Variants in QKI observed in about 807,000 individuals in gnomAD.
The protein encoded by QKI is KH domain-containing RNA-binding protein QKI.
Under a neutral mutation model 39.0 loss-of-function variants are expected in QKI, and 10 were observed. The ratio of observed to expected loss-of-function variants is 0.26; its 90% confidence interval spans 0.16 to 0.43. The LOEUF (loss-of-function observed/expected upper bound fraction) is 0.43, where lower values mean the gene tolerates loss of function less well. Ranked by LOEUF, QKI falls within the 20% of genes least tolerant of loss-of-function variation. QKI has a pLI of 1.00. For synonymous variants in QKI, 204 were observed against 155.4 expected, an observed-to-expected ratio of 1.31 and a Z score of -2.33; for missense variants, 218 against 428.0, an observed-to-expected ratio of 0.51 and a Z score of 4.33.
rs942069380 is a variant in QKI at position 163,571,908 on chromosome 6, G to A, written c.*1198G>A. ...GTCATTCAGTCAAGTGTCTCATAAA[G>A]ATCAGCTCCTCCCTCAGAATACAAG... On this transcript the variant is annotated 3_prime_UTR_variant, in exon 8 of 8. Transcript: ENST00000361752. 28 of 152,234 alleles carry A rather than the reference G, an allele frequency of 1.8e-4. No homozygotes were observed. The highest frequency in any genetic ancestry group is 6.5e-4 in the African/African-American group (27 of 41,542). 9.4% of individuals were successfully genotyped at this position (152,234 alleles called of 1,614,324 possible).
At chr6:163,541,917 C>T (rs911133460) in intron 4 of QKI, among the ~76,000 whole-genome samples, 13 of 151,846 alleles carry the variant, frequency 8.6e-5, no homozygotes, top group Non-Finnish European at 1.3e-4. Context: ...ACATGAAAGG[C>T]GCATACATGT....
At chr6:163,527,314 T>G (rs956696824) in intron 3 of QKI, among the ~76,000 whole-genome samples, 1 of 152,164 alleles carries the variant, frequency 6.6e-6, no homozygotes, top group Admixed American at 6.5e-5. Flanking sequence ...AATCTAAGAT[T>G]ATATGCACAA....
At chr6:163,528,763 G>C (rs2128239605) in intron 3 of QKI, among the ~76,000 whole-genome samples, 1 of 152,186 alleles carries the variant, frequency 6.6e-6, no homozygotes, top group Non-Finnish European at 1.5e-5. Flanking sequence ...TTATAAAGTT[G>C]CTTAGCAAGC....
intron 3 of QKI, among the ~76,000 whole-genome samples, chr6:163,506,510 C>CCAAGCACCTGGTTTCTGGAAAATCTA (rs1562495845): frequency 1.3e-4 from 20 of 152,012 alleles, no homozygotes; most frequent in Admixed American, 1.3e-3. Flanking sequence ...TGGAAAATCT[C>CCAAGCACCTGGTTTCTGGAAAATCTA]CCAAGCACCT....
In QKI at chr6:163,509,070, C is replaced by T. The variant is rs528866735; in HGVS notation, c.403-25912C>T. 8.7e-4 allele frequency among the ~76,000 whole-genome samples: 132 copies of T among 152,116 alleles called. 1 individual carries two copies. Among genetic ancestry groups the T allele is most frequent in the African/African-American group, 2.9e-3 (120 of 41,540 alleles). ...ACGAGAATCACTTGAATCCGGGAGG[C>T]GGAGTTGCAGTGAGCCAAGATTGTG... On this transcript the variant is annotated intron_variant, in intron 3 of 7. Transcript: ENST00000361752.
At chr6:163,465,308 C>G (rs772733996) in intron 2 of QKI, among the ~76,000 whole-genome samples, 2 of 152,012 alleles carry the variant, frequency 1.3e-5, no homozygotes, top group Non-Finnish European at 2.9e-5. Context: ...ATGGTAAGTT[C>G]TAGCCAGAAC....
intron 2 of QKI, among the ~76,000 whole-genome samples, chr6:163,462,037 G>A (rs1222839988): frequency 1.3e-5 from 2 of 152,150 alleles, no homozygotes; most frequent in African/African-American, 4.8e-5. Flanking sequence ...GGGATGTTGA[G>A]GTTGAGTTTT....
intron 3 of QKI, among the ~76,000 whole-genome samples, chr6:163,521,688 C>T (rs993018643): frequency 6.6e-6 from 1 of 151,910 alleles, no homozygotes; most frequent in Non-Finnish European, 1.5e-5. Flanking sequence ...ATGCCCAGCT[C>T]ATTTTTGTAC....
chr6:163,477,247 C>G (rs1386803562), intron 2 of QKI, among the ~76,000 whole-genome samples: 2 of 152,064 alleles, frequency 1.3e-5, no homozygotes, highest in Non-Finnish European at 2.9e-5. Context: ...AACGCCTGTC[C>G]TCAAGTGATC....
At chr6:163,470,822 A>G (rs1004936591) in intron 2 of QKI, among the ~76,000 whole-genome samples, 2 of 152,170 alleles carry the variant, frequency 1.3e-5, no homozygotes, top group Non-Finnish European at 2.9e-5. Context: ...TCAGAAGAAA[A>G]TTTTCAGCAT....
At chr6:163,433,623 C>A (rs1484678638) in intron 1 of QKI, among the ~76,000 whole-genome samples, 3 of 151,892 alleles carry the variant, frequency 2.0e-5, no homozygotes, top group Non-Finnish European at 4.4e-5. Context: ...AAAAATTAGC[C>A]GGGTGTGGTG....
At chr6:163,471,805 TC>T (rs1792209859) in intron 2 of QKI, among the ~76,000 whole-genome samples, 1 of 151,600 alleles carries the variant, frequency 6.6e-6, no homozygotes, top group Non-Finnish European at 1.5e-5. Context: ...AATTGGCTGT[TC>T]CTGTTAAAAT....
At chr6:163,434,487 G>A (rs1160257078) in intron 1 of QKI, among the ~76,000 whole-genome samples, 2 of 152,002 alleles carry the variant, frequency 1.3e-5, no homozygotes, top group African/African-American at 4.8e-5. Flanking sequence ...AGGCTGAGGC[G>A]GGCGGATCAT....
At chr6:163,534,492 T>C (rs1781071836) in intron 3 of QKI, among the ~76,000 whole-genome samples, 1 of 152,216 alleles carries the variant, frequency 6.6e-6, no homozygotes, top group Non-Finnish European at 1.5e-5. Flanking sequence ...AATTAGAGAA[T>C]GAAAACTTTG....
intron 2 of QKI, among the ~76,000 whole-genome samples, chr6:163,476,893 G>A (rs1301825441): frequency 6.6e-6 from 1 of 152,020 alleles, no homozygotes; most frequent in Admixed American, 6.6e-5. Context: ...TATGTATTGT[G>A]CTATACACAT....
chr6:163,541,983 G>A (rs1781551041), intron 4 of QKI, among the ~76,000 whole-genome samples: 1 of 151,714 alleles, frequency 6.6e-6, no homozygotes, highest in African/African-American at 2.4e-5. Flanking sequence ...CTGGTTACTT[G>A]CAACTGCATG....
chr6:163,564,180 T>G lies in QKI; in HGVS notation c.934+461T>G, dbSNP rs56295459. 743 of 1,020,718 alleles carry G rather than the reference T, an allele frequency of 7.3e-4. 7 individuals carry two copies. The African/African-American group carries it at 0.012, about 16-fold the overall frequency. 63.2% of individuals were successfully genotyped at this position (1,020,718 alleles called of 1,614,324 possible). A position where few individuals can be genotyped will look rare whatever the true frequency, so the allele number is the denominator to read the frequency against. On this transcript the variant is annotated intron_variant, in intron 6 of 7. Transcript: ENST00000361752. Reference sequence around the variant, plus strand: ...AAAATTCATATTATTGTGTGTGTTTTGTAATATTTGCGATCACTTAAAATA... The same window carrying G: ...AAAATTCATATTATTGTGTGTGTTTGGTAATATTTGCGATCACTTAAAATA...
chr6:163,455,590 A>ATGTT (rs1790857119), intron 2 of QKI, among the ~76,000 whole-genome samples, 169 bp downstream of exon 2: 1 of 152,346 alleles, frequency 6.6e-6, no homozygotes, highest in East Asian at 1.9e-4. Flanking sequence ...CTCTCTAAAT[A>ATGTT]TGTTTGCATT....
chr6:163,477,730 C>T (rs1792731473), intron 2 of QKI, among the ~76,000 whole-genome samples: 1 of 152,172 alleles, frequency 6.6e-6, no homozygotes, highest in Non-Finnish European at 1.5e-5. Flanking sequence ...TACTACCTAC[C>T]ACCTTTCATT....
Sources: allele counts gnomAD v4.1 joint callset (sites outside exome capture counted in the v4.1 genomes callset), GRCh38; gene constraint gnomAD v4.1.1; transcripts MANE v1.5; gene names NCBI Gene and HGNC (gene_info 2026-07-23, HGNC 2026-07-21).